ITGB1: variants seen among roughly 807,000 people sequenced by gnomAD.
ITGB1 encodes integrin beta-1.
A neutral mutation model predicts 86.5 loss-of-function variants in ITGB1; 24 were observed. That is an observed-to-expected ratio of 0.28 (90% confidence interval 0.20 to 0.39). The LOEUF (loss-of-function observed/expected upper bound fraction) is 0.39, where lower values mean the gene tolerates loss of function less well. ITGB1 is among the 10% of genes least tolerant of loss of function. The probability of loss-of-function intolerance (pLI) is 1.00; values close to 1 mark genes in which losing one functional copy is unlikely to be tolerated. For synonymous variants in ITGB1, 323 were observed against 316.8 expected, an observed-to-expected ratio of 1.02 and a Z score of -0.21; for missense variants, 556 against 946.9, an observed-to-expected ratio of 0.59 and a Z score of 5.42.
At chr10:32,904,787 G>A (rs1452573883) in intron 15 of ITGB1, among the ~76,000 whole-genome samples, 1 of 152,092 alleles carries the variant, frequency 6.6e-6, no homozygotes, top group African/African-American at 2.4e-5. Context: ...AATGCATAGA[G>A]AAATTTTTAC....
rs60416494 is a variant in ITGB1 at position 32,903,636 on chromosome 10, G to T, written c.2332-2001C>A. 5.4e-3 allele frequency among the ~76,000 whole-genome samples: 827 copies of T among 152,218 alleles called. 16 individuals are homozygous for T. The highest frequency in any genetic ancestry group is 0.019 in the African/African-American group (799 of 41,522). ...CTCCCCTCTCCTCAAAATACACCTT[G>T]ACTGGTTGTTTCAGAAACATGGACA... On this transcript the variant is annotated intron_variant, in intron 15 of 15. Transcript: ENST00000302278.
At position 32,930,019 on chromosome 10, in the gene ITGB1, G is replaced by T; in HGVS notation, c.179C>A (p.Thr60Asn). ...TTCTAAATCATCACATCGTGCAGAA[G>T]TAGGCATTCCTTCCTGTAAAAATGT... ...NSTFLQEGMP[T>N]SARCDDLEAL... The change falls in exon 4 of 16, where the codon ACT becomes AAT. Residue 60 changes from threonine to asparagine, a missense_variant. Thr to Asn is a moderately conservative substitution (Grantham distance 65). This residue lies in a region of ITGB1 where 183 missense variants were observed against 263.9 expected (regional missense o/e 0.69). Transcript: ENST00000302278. The T allele has an allele frequency of 1.1e-6, 1 of 913,324 alleles. No homozygotes were observed. The highest frequency in any genetic ancestry group is 2.4e-5 in the East Asian group (1 of 41,864). The allele number at this position is 913,324 out of a possible 1,614,324, so 56.6% of individuals were successfully genotyped here.
At chr10:32,910,104 A>G (rs1263023779) in intron 14 of ITGB1, 119 bp downstream of exon 14, 1 of 681,852 alleles carries the variant, frequency 1.5e-6, no homozygotes, top group Non-Finnish European at 2.5e-6. Flanking sequence ...GAGATGAAAA[A>G]TTTCCCAACT....
At chr10:32,917,003 T>A (rs1452659371) in intron 11 of ITGB1, among the ~76,000 whole-genome samples, 3 of 150,604 alleles carry the variant, frequency 2.0e-5, no homozygotes, top group Admixed American at 6.6e-5. Context: ...GATATAGACC[T>A]ATGGAACAGA....
chr10:32,936,998 C>A (rs1186778149), intron 1 of ITGB1, among the ~76,000 whole-genome samples: 1 of 152,130 alleles, frequency 6.6e-6, no homozygotes, highest in Non-Finnish European at 1.5e-5. Context: ...TGAACTGATA[C>A]AACTTTTTGG....
chr10:32,911,822 C>T, intron 12 of ITGB1, 64 bp downstream of exon 12: 1 of 1,482,912 alleles, frequency 6.7e-7, no homozygotes, highest in South Asian at 1.2e-5. Flanking sequence ...ACCAACTAAA[C>T]TCAAGATTTT....
chr10:32,919,870 C>CAA lies in ITGB1; in HGVS notation c.1469+13_1469+14dup, dbSNP rs758178134. 2 of 1,612,588 alleles carry CAA rather than the reference C, an allele frequency of 1.2e-6. No individual in the cohort carries two copies. The highest frequency in any genetic ancestry group is 1.7e-6 in the Non-Finnish European group (2 of 1,178,772). The stretch of plus-strand genomic sequence containing the variant: ...CCAATGTAGCTCTGTCACTGTCTGA[C>CAA]AACACCCAGCTTACCTGCACGCGCC... On this transcript the variant is annotated intron_variant, in intron 11 of 15. Transcript: ENST00000302278.
At chr10:32,906,307 T>A (rs1336080681) in intron 15 of ITGB1, among the ~76,000 whole-genome samples, 1 of 152,168 alleles carries the variant, frequency 6.6e-6, no homozygotes, top group Non-Finnish European at 1.5e-5. Context: ...AGGATAATAC[T>A]GGTGGGGCAC....
chr10:32,950,355 T>C (rs1415700851), intron 1 of ITGB1, among the ~76,000 whole-genome samples: 2 of 152,170 alleles, frequency 1.3e-5, no homozygotes, highest in African/African-American at 2.4e-5. Context: ...CTGAATTCTG[T>C]ACCATCTGAG....
At chr10:32,944,769 A>G in intron 1 of ITGB1, 1 of 727,210 alleles carries the variant, frequency 1.4e-6, no homozygotes, top group Non-Finnish European at 2.6e-6. Flanking sequence ...ACTGCTCGCT[A>G]GATTCATCCT....
rs11597251 is a variant in ITGB1, at chr10:32,911,686, T to C, written c.1709-16A>G. ...ACACCATTTCCTGCAATTAAGCATATCATTTCTCAAAATGGTAAAAATATA... is the reference window on the plus strand; with the variant it reads ...ACACCATTTCCTGCAATTAAGCATACCATTTCTCAAAATGGTAAAAATATA... On this transcript the variant is annotated splice_polypyrimidine_tract_variant and intron_variant, in intron 12 of 15. Transcript: ENST00000302278. 1,354 of 1,610,452 alleles carry C rather than the reference T, an allele frequency of 8.4e-4. 2 individuals are homozygous for C. The highest frequency in any genetic ancestry group is 1.1e-3 in the Non-Finnish European group (1,282 of 1,176,838).
At chr10:32,908,724 T>C (rs1201814430) in intron 14 of ITGB1, among the ~76,000 whole-genome samples, 190 bp from the exon 15 acceptor site, 1 of 151,924 alleles carries the variant, frequency 6.6e-6, no homozygotes, top group Admixed American at 6.6e-5. Context: ...ATCATGTATT[T>C]TTCTATATAT....
rs1464106223 is a variant in ITGB1, at chr10:32,958,164, G to T, written c.-20C>A. Reference sequence around the variant, plus strand: ...CCCTACCTTTTCCGCGCGGCGTCCGGGGCCCGGCGCGGTGGGCTCGGGCCT... The same window carrying T: ...CCCTACCTTTTCCGCGCGGCGTCCGTGGCCCGGCGCGGTGGGCTCGGGCCT... On this transcript the variant is annotated 5_prime_UTR_variant, in exon 1 of 16. Coordinates refer to ENST00000302278, the MANE Select transcript of ITGB1 (RefSeq NM_002211.4). 2.6e-5 allele frequency: 4 copies of T among 151,278 alleles called. No individual in the cohort carries two copies. Among genetic ancestry groups the T allele is most frequent in the African/African-American group, 9.7e-5 (4 of 41,274 alleles). The allele number at this position is 151,278 out of a possible 1,614,324, so 9.4% of individuals were successfully genotyped here.
intron 3 of ITGB1, among the ~76,000 whole-genome samples, chr10:32,931,369 C>A (rs1375466142): frequency 2.0e-5 from 3 of 152,122 alleles, no homozygotes; most frequent in Non-Finnish European, 4.4e-5. Context: ...AAACTGTAGT[C>A]CCCATAAAAT....
At chr10:32,911,337 T>C in intron 13 of ITGB1, 111 bp downstream of exon 13, 1 of 901,274 alleles carries the variant, frequency 1.1e-6, no homozygotes, top group Non-Finnish European at 1.7e-6. Flanking sequence ...TGGCAGGCAT[T>C]TTATTTACAG....
At chr10:32,915,214 G>T (rs867966544) in intron 11 of ITGB1, among the ~76,000 whole-genome samples, 2 of 152,166 alleles carry the variant, frequency 1.3e-5, no homozygotes, top group Non-Finnish European at 2.9e-5. Flanking sequence ...GAGAAAGCAG[G>T]AAAGATCTAA....
At chr10:32,915,188 C>T (rs892596701) in intron 11 of ITGB1, among the ~76,000 whole-genome samples, 7 of 152,134 alleles carry the variant, frequency 4.6e-5, no homozygotes, top group Admixed American at 3.3e-4. Context: ...AAATTTATAG[C>T]ACTAAATGCC....
chr10:32,922,634 A>G lies in ITGB1; in HGVS notation c.1038+6T>C, dbSNP rs2137205327. ...GAATCTTGTTCTTTTTATCTCACACATTTACCTTGTAAACAGGCTGAAATT... is the reference window on the plus strand; with the variant it reads ...GAATCTTGTTCTTTTTATCTCACACGTTTACCTTGTAAACAGGCTGAAATT... On this transcript the variant is annotated splice_donor_region_variant and intron_variant, in intron 8 of 15. Transcript: ENST00000302278. The G allele has an allele frequency of 6.6e-7, 1 of 1,507,234 alleles. No homozygotes were observed. The highest frequency in any genetic ancestry group is 9.2e-7 in the Non-Finnish European group (1 of 1,087,000). The allele number at this position is 1,507,234 out of a possible 1,614,324, so 93.4% of individuals were successfully genotyped here. A position where few individuals can be genotyped will look rare whatever the true frequency, so the allele number is the denominator to read the frequency against.
Position 32,912,011 on chromosome 10 carries a change from T to C in ITGB1, c.1583A>G (p.Asn528Ser), listed in dbSNP as rs201578077. 16 of 1,614,094 alleles carry C rather than the reference T, an allele frequency of 9.9e-6. No individual in the cohort carries two copies. In the East Asian group the frequency reaches 1.1e-4, roughly 11 times the overall value. The change falls in exon 12 of 16, where the codon AAT (asparagine) becomes AGT (serine). Residue 528 changes from asparagine (N) to serine (S), a missense_variant. Physicochemically the swap from Asn to Ser is conservative, Grantham distance 46. Around this residue, in one of 4 missense-constraint regions of ITGB1, gnomAD observed 330 missense variants for 531.5 expected, o/e 0.62. Coordinates refer to ENST00000302278, the MANE Select transcript of ITGB1 (RefSeq NM_002211.4). ...KENSSEICSN[N>S]GECVCGQCVC... is the part of the protein sequence containing the mutation. ...ACACTGTCCGCAGACGCACTCTCCA[T>C]TGTTACTGCAGATTTCTGAACTGTT...
Sources: gnomAD v4.1 joint callset for allele counts (sites outside exome capture counted in the v4.1 genomes callset) on GRCh38, gnomAD v4.1.1 for gene constraint, gnomAD v4.1.1 regional missense constraint, MANE v1.5 for transcripts, NCBI Gene and HGNC (gene_info 2026-07-23, HGNC 2026-07-21) for gene names.